The following SPSB4 variants were observed in gnomAD, a reference collection of about 807,000 sequenced individuals.
SPSB4 encodes the protein splA/ryanodine receptor domain and SOCS box containing 4.
SPSB4 carries 21 observed loss-of-function variants against 20.9 expected under a neutral mutation model. That is an observed-to-expected ratio of 1.01 (90% CI 0.71 to 1.45). The LOEUF (loss-of-function observed/expected upper bound fraction) is 1.45. Among genes scored for constraint, SPSB4 ranks in the 40% most tolerant of loss-of-function variants. The probability of loss-of-function intolerance (pLI) is 0.00; values close to 1 mark genes in which losing one functional copy is unlikely to be tolerated. For synonymous variants in SPSB4, 207 were observed against 183.8 expected (o/e 1.13, Z -1.02); for missense variants, 399 against 399.2 (o/e 1.00, Z 0.00).
At chr3:141,088,745 C>T (rs933746354) in intron 2 of SPSB4, among the ~76,000 whole-genome samples, 3 of 152,204 alleles carry the variant, frequency 2.0e-5, no homozygotes, top group African/African-American at 7.2e-5. Context: ...AGGATGCCCA[C>T]AGCAGTATGC....
At chr3:141,103,066 G>A (rs957935610) in intron 2 of SPSB4, among the ~76,000 whole-genome samples, 3 of 152,234 alleles carry the variant, frequency 2.0e-5, no homozygotes, top group Non-Finnish European at 4.4e-5. Flanking sequence ...GCATAAAGCT[G>A]TTTGATGTCT....
intron 2 of SPSB4, among the ~76,000 whole-genome samples, chr3:141,136,086 A>C (rs1206168781): frequency 5.3e-5 from 8 of 152,158 alleles, no homozygotes; most frequent in Admixed American, 5.2e-4. Context: ...CATTTCTCTG[A>C]TGGCCAGTGA....
intron 2 of SPSB4, among the ~76,000 whole-genome samples, chr3:141,143,743 C>A (rs1258940781): frequency 6.6e-6 from 1 of 152,214 alleles, no homozygotes; most frequent in Non-Finnish European, 1.5e-5. Context: ...AGTTGGTTGG[C>A]CTCCAGCCAG....
chr3:141,134,641 C>T (rs112611288), intron 2 of SPSB4, among the ~76,000 whole-genome samples: 1 of 152,098 alleles, frequency 6.6e-6, no homozygotes, highest in Admixed American at 6.5e-5. Context: ...ATATGTTAAA[C>T]CATCCCTGCA....
chr3:141,066,821 G>T (rs760084495), intron 2 of SPSB4, 23 bp downstream of exon 2: 1 of 1,503,124 alleles, frequency 6.7e-7, no homozygotes, highest in Non-Finnish European at 8.9e-7. Context: ...GGGCTGGGGG[G>T]CAGGGCTTTC....
chr3:141,131,538 T>C (rs192417773), intron 2 of SPSB4, among the ~76,000 whole-genome samples: 20 of 150,948 alleles, frequency 1.3e-4, no homozygotes, highest in African/African-American at 4.1e-4. Flanking sequence ...TCCCTTAAGG[T>C]CACCTCTGCC....
rs545636088 is a variant in SPSB4 at position 141,138,312 on chromosome 3, G to A, written c.695-8830G>A. 3.3e-5 allele frequency among the ~76,000 whole-genome samples: 5 copies of A among 152,130 alleles called. No individual in the cohort carries two copies. The South Asian group carries it at 1.0e-3, about 32-fold the overall frequency. On this transcript the variant is annotated intron_variant, in intron 2 of 2. Transcript: ENST00000310546. ...TCCTGGATTCATTGATTTTTTGAAG[G>A]GTTTTTTGTGTCTCTATCTCCTTCA...
At chr3:141,137,844 C>T (rs1002387239) in intron 2 of SPSB4, among the ~76,000 whole-genome samples, 1 of 152,128 alleles carries the variant, frequency 6.6e-6, no homozygotes, top group African/African-American at 2.4e-5. Flanking sequence ...TGATGCTGGC[C>T]TCATAAAATG....
Position 141,066,374 on chromosome 3 carries a change from G to A in SPSB4, c.270G>A (p.Lys90=), listed in dbSNP as rs761700612. ...AGAGCACCGACGGCATCCGCGGCAA[G>A]GTGGGCCACGCCCGCGGCCTGCACG... The part of the protein sequence containing the change: ...VAQSTDGIRG[K]VGHARGLHAW... The change falls in exon 2 of 3, where the codon AAG becomes AAA. Residue 90 remains lysine (K), a synonymous_variant. Transcript: ENST00000310546. 5.2e-6 allele frequency: 8 copies of A among 1,551,014 alleles called. No individual in the cohort carries two copies. The highest frequency in any genetic ancestry group is 1.7e-4 in the Middle Eastern group (1 of 5,996).
intron 1 of SPSB4, among the ~76,000 whole-genome samples, chr3:141,053,944 T>C (rs1216153171): frequency 6.6e-6 from 1 of 152,156 alleles, no homozygotes; most frequent in East Asian, 1.9e-4. Flanking sequence ...CCCACCCTCC[T>C]AGCCTTCTTC....
intron 2 of SPSB4, among the ~76,000 whole-genome samples, chr3:141,126,398 C>A (rs991154934): frequency 1.3e-5 from 2 of 152,182 alleles, no homozygotes; most frequent in Non-Finnish European, 2.9e-5. Context: ...GAAGACGGAG[C>A]AGCCTGTTGG....
chr3:141,115,537 TGGATGCC>T (rs1938868749), intron 2 of SPSB4, among the ~76,000 whole-genome samples: 1 of 152,246 alleles, frequency 6.6e-6, no homozygotes, highest in South Asian at 2.1e-4. Context: ...CCTGGCACCA[TGGATGCC>T]GGAGTTTGCA....
chr3:141,103,000 C>T (rs1375281639), intron 2 of SPSB4, among the ~76,000 whole-genome samples: 2 of 152,180 alleles, frequency 1.3e-5, no homozygotes, highest in East Asian at 1.9e-4. Flanking sequence ...AAACCAGATA[C>T]GGTCACTTAC....
chr3:141,144,168 A>G (rs765892451), intron 2 of SPSB4, among the ~76,000 whole-genome samples: 29 of 152,150 alleles, frequency 1.9e-4, no homozygotes, highest in Non-Finnish European at 2.8e-4. Context: ...ATCACTCCAG[A>G]CTTCAGTCCC....
At chr3:141,140,082 T>G (rs1331953598) in intron 2 of SPSB4, among the ~76,000 whole-genome samples, 1 of 152,228 alleles carries the variant, frequency 6.6e-6, no homozygotes, top group Non-Finnish European at 1.5e-5. Flanking sequence ...ATTTCATTCA[T>G]TTCATCTTCC....
chr3:141,109,301 C>T (rs1021484445), intron 2 of SPSB4, among the ~76,000 whole-genome samples: 3 of 151,996 alleles, frequency 2.0e-5, no homozygotes, highest in Non-Finnish European at 2.9e-5. Flanking sequence ...ATGGAGCTTC[C>T]GCCTTCTCCT....
intron 2 of SPSB4, among the ~76,000 whole-genome samples, chr3:141,104,285 G>A (rs1245486409): frequency 6.6e-6 from 1 of 152,156 alleles, no homozygotes; most frequent in African/African-American, 2.4e-5. Flanking sequence ...GGAGTGGCAG[G>A]AGCAAAGGCA....
intron 2 of SPSB4, among the ~76,000 whole-genome samples, chr3:141,123,315 G>T (rs979405435): frequency 6.6e-6 from 1 of 152,206 alleles, no homozygotes; most frequent in African/African-American, 2.4e-5. Flanking sequence ...TGCCCCTTGT[G>T]TTGTCTCCGC....
chr3:141,067,299 C>G (rs1298040631), intron 2 of SPSB4, among the ~76,000 whole-genome samples: 2 of 152,184 alleles, frequency 1.3e-5, no homozygotes, highest in Non-Finnish European at 2.9e-5. Flanking sequence ...TGGCCATCTA[C>G]TGTATTTGAG....
Sources: allele counts gnomAD v4.1 joint callset (sites outside exome capture counted in the v4.1 genomes callset), GRCh38; gene constraint gnomAD v4.1.1; transcripts MANE v1.5; gene names NCBI Gene and HGNC (gene_info 2026-07-23, HGNC 2026-07-21).